The following NAALADL2 variants were observed in gnomAD, a reference collection of about 807,000 sequenced individuals.
NAALADL2 encodes inactive N-acetylated-alpha-linked acidic dipeptidase-like protein 2.
Under a neutral mutation model 87.2 loss-of-function variants are expected in NAALADL2, and 76 were observed. That is an observed-to-expected ratio of 0.87 (90% CI 0.72 to 1.05). NAALADL2 has a LOEUF of 1.05. Ranked by LOEUF, NAALADL2 falls within the 50% of genes least tolerant of loss-of-function variation. NAALADL2 has a pLI of 0.00. For synonymous variants in NAALADL2, 354 were observed against 331.0 expected (o/e 1.07, Z -0.75); for missense variants, 1,089 against 945.8 (o/e 1.15, Z -1.99).
chr3:175,688,117 T>C (rs775113903), intron 11 of NAALADL2, among the ~76,000 whole-genome samples: 1 of 152,154 alleles, frequency 6.6e-6, no homozygotes, highest in African/African-American at 2.4e-5. Flanking sequence ...AAAGTTAAGA[T>C]ACTAAAGTTA....
chr3:175,451,344 A>G (rs1157019771), intron 6 of NAALADL2, among the ~76,000 whole-genome samples: 1 of 152,156 alleles, frequency 6.6e-6, no homozygotes, highest in East Asian at 1.9e-4. Context: ...AAAAAGTATA[A>G]GGAATGGAAA....
chr3:175,783,950 A>G (rs1751529284), intron 13 of NAALADL2, among the ~76,000 whole-genome samples: 1 of 140,396 alleles, frequency 7.1e-6, no homozygotes, highest in Admixed American at 6.9e-5. Flanking sequence ...TTCTGCATCT[A>G]TTGAGATAAT....
chr3:174,569,624 G>C (rs9809857), intron 2 of NAALADL2, among the ~76,000 whole-genome samples: 46,182 of 151,874 alleles, frequency 0.3, 8,985 homozygotes, highest in East Asian at 0.76. Flanking sequence ...GAGTGCCTGA[G>C]TTTTTTATTT....
At chr3:174,491,493 T>C (rs1483929428) in intron 1 of NAALADL2, among the ~76,000 whole-genome samples, 1 of 152,200 alleles carries the variant, frequency 6.6e-6, no homozygotes, top group Non-Finnish European at 1.5e-5. Flanking sequence ...TCTTTATTAT[T>C]GCCAAGTGTT....
chr3:175,368,574 T>A (rs1025370274), intron 5 of NAALADL2, among the ~76,000 whole-genome samples: 2 of 139,450 alleles, frequency 1.4e-5, no homozygotes, highest in Non-Finnish European at 3.2e-5. Context: ...TGTGTGTGAG[T>A]GTGTGTGTGT....
intron 4 of NAALADL2, among the ~76,000 whole-genome samples, chr3:175,266,403 T>C (rs1751938263): frequency 6.6e-6 from 1 of 151,522 alleles, no homozygotes; most frequent in African/African-American, 2.4e-5. Flanking sequence ...ATATACATAG[T>C]ACAATAGAAG....
chr3:175,671,210 T>C (rs1252810986), intron 11 of NAALADL2, among the ~76,000 whole-genome samples: 5 of 151,954 alleles, frequency 3.3e-5, no homozygotes, highest in Admixed American at 2.6e-4. Flanking sequence ...ACTTACTTTA[T>C]GTATTCTATA....
intron 4 of NAALADL2, among the ~76,000 whole-genome samples, chr3:175,267,534 T>G (rs1752140715): frequency 6.6e-6 from 1 of 152,190 alleles, no homozygotes; most frequent in African/African-American, 2.4e-5. Flanking sequence ...GTTAAATTTA[T>G]TTTGTCTAAA....
chr3:175,051,864 A>G (rs1415122927), intron 1 of NAALADL2, among the ~76,000 whole-genome samples: 1 of 152,178 alleles, frequency 6.6e-6, no homozygotes, highest in Non-Finnish European at 1.5e-5. Context: ...AACCAACTGA[A>G]CACATAAAGA....
chr3:175,021,972 G>C (rs1324492977), intron 1 of NAALADL2, among the ~76,000 whole-genome samples: 1 of 152,022 alleles, frequency 6.6e-6, no homozygotes, highest in Non-Finnish European at 1.5e-5. Context: ...ACTCATGAAT[G>C]GCTTGTCTTC....
At chr3:174,810,740 A>C (rs1720082777) in intron 3 of NAALADL2, among the ~76,000 whole-genome samples, 1 of 152,222 alleles carries the variant, frequency 6.6e-6, no homozygotes, top group Non-Finnish European at 1.5e-5. Context: ...CAACTCAAGC[A>C]GGCTGCAGAA....
At chr3:174,545,963 G>A (rs576820009) in intron 1 of NAALADL2, among the ~76,000 whole-genome samples, 1 of 150,184 alleles carries the variant, frequency 6.7e-6, no homozygotes, top group East Asian at 2.0e-4. Context: ...TCTCTGCATT[G>A]TCTCTGTTTC....
At chr3:175,330,109 C>T (rs2110487509) in intron 5 of NAALADL2, among the ~76,000 whole-genome samples, 1 of 152,010 alleles carries the variant, frequency 6.6e-6, no homozygotes, top group South Asian at 2.1e-4. Flanking sequence ...AGTTTAAGAA[C>T]TAAAGTTTCC....
intron 1 of NAALADL2, among the ~76,000 whole-genome samples, chr3:174,954,436 G>A (rs1740869471): frequency 6.6e-6 from 1 of 152,052 alleles, no homozygotes; most frequent in African/African-American, 2.4e-5. Flanking sequence ...CTGACAGTGA[G>A]ACTTAGATAC....
At chr3:175,575,928 T>C in intron 9 of NAALADL2, 113 bp from the exon 10 acceptor site, 1 of 846,310 alleles carries the variant, frequency 1.2e-6, no homozygotes. Flanking sequence ...TTTTTAACAG[T>C]CTCCAGGGAG....
chr3:174,575,590 G>A (rs1309970497), intron 2 of NAALADL2, among the ~76,000 whole-genome samples: 1 of 152,148 alleles, frequency 6.6e-6, no homozygotes, highest in African/African-American at 2.4e-5. Context: ...ACAGTGGCCA[G>A]AAACTATGAG....
At chr3:175,005,190 G>A (rs1435875429) in intron 1 of NAALADL2, among the ~76,000 whole-genome samples, 1 of 151,996 alleles carries the variant, frequency 6.6e-6, no homozygotes, top group Non-Finnish European at 1.5e-5. Flanking sequence ...AAATCCTATG[G>A]GATAGATACT....
intron 1 of NAALADL2, among the ~76,000 whole-genome samples, chr3:175,090,231 G>A (rs1412051795): frequency 4.6e-5 from 7 of 152,008 alleles, no homozygotes. Context: ...TGATATTAGT[G>A]AGACTTAAAC....
At chr3:175,043,301 C>G (rs2108980695) in intron 1 of NAALADL2, among the ~76,000 whole-genome samples, 1 of 152,238 alleles carries the variant, frequency 6.6e-6, no homozygotes, top group African/African-American at 2.4e-5. Context: ...TTCAGCGGCA[C>G]AATCTGGGCT....
Sources: gnomAD v4.1 joint callset for allele counts (sites outside exome capture counted in the v4.1 genomes callset) on GRCh38, gnomAD v4.1.1 for gene constraint, MANE v1.5 for transcripts, NCBI Gene and HGNC (gene_info 2026-07-23, HGNC 2026-07-21) for gene names.